The following PRKCE variants were observed in gnomAD, a reference collection of about 807,000 sequenced individuals.
PRKCE encodes the protein protein kinase C epsilon type.
PRKCE carries 16 observed loss-of-function variants against 85.4 expected under a neutral mutation model. The ratio of observed to expected loss-of-function variants is 0.19; its 90% CI spans 0.13 to 0.28. The LOEUF (loss-of-function observed/expected upper bound fraction) is 0.28. Among genes scored for constraint, PRKCE ranks in the 10% least tolerant of loss-of-function variants. The pLI is 1.00. For missense variants in PRKCE, 573 were observed against 975.2 expected (o/e 0.59, Z 5.49); for synonymous variants, 388 against 371.5 (o/e 1.04, Z -0.51).
intron 1 of PRKCE, among the ~76,000 whole-genome samples, chr2:45,837,737 C>T (rs1170001115): frequency 6.6e-6 from 1 of 152,106 alleles, no homozygotes; most frequent in Admixed American, 6.6e-5. Flanking sequence ...ACTAATAATA[C>T]TGTTACCACG....
chr2:45,785,087 G>A (rs1249888374), intron 1 of PRKCE, among the ~76,000 whole-genome samples: 1 of 152,132 alleles, frequency 6.6e-6, no homozygotes, highest in Non-Finnish European at 1.5e-5. Flanking sequence ...GAGGCAGAGG[G>A]CCTTAGCATG....
rs932595706 is a variant in PRKCE, at chr2:45,774,971, T to A, written c.349-68029T>A. On this transcript the variant is annotated intron_variant, in intron 1 of 14. Coordinates refer to ENST00000306156, the MANE Select transcript of PRKCE (RefSeq NM_005400.3). This position sits in a 1 kb window ranked among gnomAD's most constrained non-coding sequence, Gnocchi z 4.3. ...GGTAAACAGGATAGTAAAATGACAA[T>A]AGCAGCGTAGACACTTCTCAGTTAT... Among the ~76,000 whole-genome samples the A allele has an allele frequency of 6.6e-6, 1 of 151,998 alleles. No individual in the cohort carries two copies. Among genetic ancestry groups the A allele is most frequent in the Non-Finnish European group, 1.5e-5 (1 of 68,016 alleles).
At chr2:45,879,703 T>C (rs1694742730) in intron 2 of PRKCE, among the ~76,000 whole-genome samples, 1 of 152,174 alleles carries the variant, frequency 6.6e-6, no homozygotes, top group African/African-American at 2.4e-5. Context: ...TTGAGAGCTG[T>C]GGGCTGAGTA....
At chr2:45,731,579 C>T (rs926145110) in intron 1 of PRKCE, among the ~76,000 whole-genome samples, 2 of 150,896 alleles carry the variant, frequency 1.3e-5, no homozygotes, top group African/African-American at 4.9e-5. Context: ...AATGGGGAAA[C>T]CTAAGCCTGA....
At chr2:45,669,883 T>C (rs1298891334) in intron 1 of PRKCE, among the ~76,000 whole-genome samples, 1 of 152,076 alleles carries the variant, frequency 6.6e-6, no homozygotes, top group Non-Finnish European at 1.5e-5. Flanking sequence ...TGGAGGCAGG[T>C]GCCAGTAATC....
chr2:46,088,627 T>TAA (rs1346951359), intron 11 of PRKCE, among the ~76,000 whole-genome samples: 1 of 152,206 alleles, frequency 6.6e-6, no homozygotes, highest in Non-Finnish European at 1.5e-5. Flanking sequence ...TGACTTCAGT[T>TAA]AATGGTCTGA....
chr2:46,162,838 A>G (rs1213254003), intron 14 of PRKCE, among the ~76,000 whole-genome samples: 1 of 152,226 alleles, frequency 6.6e-6, no homozygotes, highest in African/African-American at 2.4e-5. Flanking sequence ...AGTGGTCCAC[A>G]TCTAGTTAGC....
intron 13 of PRKCE, among the ~76,000 whole-genome samples, chr2:46,151,905 C>T (rs188281074): frequency 6.6e-6 from 1 of 152,054 alleles, no homozygotes; most frequent in African/African-American, 2.4e-5. Context: ...GTTACCTGTC[C>T]CCTTTTGAAA....
intron 1 of PRKCE, among the ~76,000 whole-genome samples, chr2:45,684,523 G>A (rs1306303597): frequency 6.6e-6 from 1 of 152,244 alleles, no homozygotes; most frequent in African/African-American, 2.4e-5. Context: ...ACTACATTGA[G>A]AGGCATTTGA....
intron 1 of PRKCE, among the ~76,000 whole-genome samples, chr2:45,671,568 T>C (rs1676160979): frequency 6.6e-6 from 1 of 152,214 alleles, no homozygotes; most frequent in African/African-American, 2.4e-5. Context: ...ATTCTTTGCC[T>C]TCCATTCCCC....
chr2:46,103,817 G>C (rs1464098819), intron 11 of PRKCE, among the ~76,000 whole-genome samples: 2 of 152,094 alleles, frequency 1.3e-5, no homozygotes, highest in Non-Finnish European at 2.9e-5. Flanking sequence ...TCATCATAAA[G>C]GTTTTCATTC....
intron 2 of PRKCE, among the ~76,000 whole-genome samples, chr2:45,920,463 T>TAGCA (rs751544539): frequency 1.6e-4 from 25 of 152,192 alleles, no homozygotes; most frequent in Non-Finnish European, 2.4e-4. Context: ...TGCATATTCA[T>TAGCA]AGCAGTGTTA....
At chr2:45,808,545 A>T (rs1688419926) in intron 1 of PRKCE, among the ~76,000 whole-genome samples, 1 of 152,174 alleles carries the variant, frequency 6.6e-6, no homozygotes, top group Non-Finnish European at 1.5e-5. Context: ...GGAGAATGCC[A>T]AAGTCACTGA....
At chr2:45,695,992 A>C (rs1678114962) in intron 1 of PRKCE, among the ~76,000 whole-genome samples, 1 of 152,160 alleles carries the variant, frequency 6.6e-6, no homozygotes, top group African/African-American at 2.4e-5. Context: ...CACAATGTGC[A>C]GGTTAGTTAC....
chr2:46,045,579 A>G (rs1365947670), intron 10 of PRKCE, among the ~76,000 whole-genome samples: 1 of 152,184 alleles, frequency 6.6e-6, no homozygotes, highest in Non-Finnish European at 1.5e-5. Context: ...CCACTGTGCT[A>G]TGGAAAATGA....
intron 10 of PRKCE, among the ~76,000 whole-genome samples, chr2:46,083,461 T>G (rs1669292372): frequency 6.6e-6 from 1 of 152,178 alleles, no homozygotes; most frequent in Non-Finnish European, 1.5e-5. Flanking sequence ...CTTCAGAGAT[T>G]TGGAGTCTCC....
At chr2:45,853,854 A>T (rs183305085) in intron 2 of PRKCE, among the ~76,000 whole-genome samples, 1 of 152,160 alleles carries the variant, frequency 6.6e-6, no homozygotes, top group East Asian at 1.9e-4. Context: ...GGACTTTCCA[A>T]TGCCACTCAG....
chr2:45,880,140 C>A (rs548809498), intron 2 of PRKCE, among the ~76,000 whole-genome samples: 2 of 152,314 alleles, frequency 1.3e-5, no homozygotes, highest in East Asian at 3.9e-4. Flanking sequence ...CTGCTCCTGG[C>A]TTATTTCACT....
At chr2:46,063,412 GTGTT>G (rs1221240803) in intron 10 of PRKCE, among the ~76,000 whole-genome samples, 1 of 151,498 alleles carries the variant, frequency 6.6e-6, no homozygotes, top group Non-Finnish European at 1.5e-5. Context: ...ATGGAAGCAT[GTGTT>G]TGTTTGTTCC....
Sources: allele counts gnomAD v4.1 joint callset (sites outside exome capture counted in the v4.1 genomes callset), GRCh38; gene constraint gnomAD v4.1.1; non-coding constraint Gnocchi (gnomAD v3.1); transcripts MANE v1.5; gene names NCBI Gene and HGNC (gene_info 2026-07-23, HGNC 2026-07-21).